The following ASIC2 variants were observed in gnomAD, a reference collection of about 807,000 sequenced individuals.
ASIC2 encodes acid-sensing ion channel 2.
A neutral mutation model predicts 57.3 loss-of-function variants in ASIC2; 25 were observed. That is an observed-to-expected ratio of 0.44 (90% CI 0.32 to 0.61). ASIC2 has a LOEUF of 0.61. ASIC2 is among the 20% of genes least tolerant of loss of function. The pLI is 0.06. For synonymous variants in ASIC2, 319 were observed against 307.5 expected (o/e 1.04, Z -0.39); for missense variants, 641 against 738.1 (o/e 0.87, Z 1.52).
At chr17:33,424,939 C>T (rs1911167743) in intron 1 of ASIC2, among the ~76,000 whole-genome samples, 2 of 152,156 alleles carry the variant, frequency 1.3e-5, no homozygotes, top group Non-Finnish European at 2.9e-5. Context: ...GTCAGTGGAT[C>T]TCTTGGAGTG....
intron 1 of ASIC2, among the ~76,000 whole-genome samples, chr17:33,331,995 A>T (rs1907331792): frequency 6.6e-6 from 1 of 152,234 alleles, no homozygotes; most frequent in Non-Finnish European, 1.5e-5. Context: ...CCCCTGGGGC[A>T]TACATCATAG....
At chr17:33,951,816 A>G (rs1490407724) in intron 1 of ASIC2, among the ~76,000 whole-genome samples, 2 of 145,904 alleles carry the variant, frequency 1.4e-5, no homozygotes, top group African/African-American at 5.1e-5. Flanking sequence ...CTGGTCTTGA[A>G]CTCCTGACCT....
chr17:33,616,031 C>G (rs1905592282), intron 1 of ASIC2, among the ~76,000 whole-genome samples: 1 of 152,202 alleles, frequency 6.6e-6, no homozygotes, highest in African/African-American at 2.4e-5. Context: ...TTGACCAGTA[C>G]ATGTAATTGG....
At chr17:34,095,661 A>ATATATATATATATATATATATAATTT (rs1567818967) in intron 1 of ASIC2, among the ~76,000 whole-genome samples, 2 of 100,170 alleles carry the variant, frequency 2.0e-5, no homozygotes, top group African/African-American at 4.6e-5. Flanking sequence ...ATATAATTTT[A>ATATATATATATATATATATATAATTT]TATATATATA....
At chr17:33,735,765 A>C (rs1174898150) in intron 1 of ASIC2, among the ~76,000 whole-genome samples, 1 of 152,066 alleles carries the variant, frequency 6.6e-6, no homozygotes, top group East Asian at 1.9e-4. Context: ...GTGTGAATCA[A>C]TTCTAATGAT....
At chr17:33,134,777 G>A (rs1291932620) in intron 1 of ASIC2, among the ~76,000 whole-genome samples, 1 of 152,214 alleles carries the variant, frequency 6.6e-6, no homozygotes, top group Non-Finnish European at 1.5e-5. Context: ...GGTGTCAGGA[G>A]CAGAGCTCTG....
At chr17:33,528,418 C>T (rs1458833867) in intron 1 of ASIC2, among the ~76,000 whole-genome samples, 1 of 152,090 alleles carries the variant, frequency 6.6e-6, no homozygotes, top group Non-Finnish European at 1.5e-5. Context: ...AACCTTTAAG[C>T]AATTCATTTT....
intron 1 of ASIC2, among the ~76,000 whole-genome samples, chr17:34,052,346 A>G (rs1005331265): frequency 3.3e-5 from 5 of 152,194 alleles, no homozygotes; most frequent in African/African-American, 1.2e-4. Context: ...AAATGCTGAG[A>G]CTTTCTCCCT....
At chr17:33,595,391 C>T (rs1597801492) in intron 1 of ASIC2, among the ~76,000 whole-genome samples, 1 of 152,180 alleles carries the variant, frequency 6.6e-6, no homozygotes, top group Non-Finnish European at 1.5e-5. Flanking sequence ...TCTCAGGAGA[C>T]AAGAGGGCTA....
At chr17:33,899,728 T>A (rs545370919) in intron 1 of ASIC2, among the ~76,000 whole-genome samples, 12 of 152,342 alleles carry the variant, frequency 7.9e-5, no homozygotes, top group African/African-American at 2.9e-4. Context: ...TGTTCAAAAT[T>A]TAATCATAGC....
intron 1 of ASIC2, among the ~76,000 whole-genome samples, chr17:33,864,773 A>G (rs1914189148): frequency 6.6e-6 from 1 of 152,200 alleles, no homozygotes; most frequent in African/African-American, 2.4e-5. Flanking sequence ...TACAATGCAG[A>G]GGCATAGTCA....
At chr17:33,250,535 C>T (rs145056783) in intron 1 of ASIC2, among the ~76,000 whole-genome samples, 16 of 152,342 alleles carry the variant, frequency 1.1e-4, no homozygotes, top group African/African-American at 3.4e-4. Context: ...AGTCCTGCCG[C>T]GCTTATCCCA....
At chr17:33,531,902 G>A (rs776008102) in intron 1 of ASIC2, among the ~76,000 whole-genome samples, 10 of 152,146 alleles carry the variant, frequency 6.6e-5, no homozygotes, top group Non-Finnish European at 1.2e-4. Flanking sequence ...CCTCCCACTC[G>A]GTTTTCCAGG....
At chr17:33,164,122 C>T (rs1456324853) in intron 1 of ASIC2, among the ~76,000 whole-genome samples, 1 of 152,162 alleles carries the variant, frequency 6.6e-6, no homozygotes, top group Non-Finnish European at 1.5e-5. Flanking sequence ...TTCGCCTGGT[C>T]CTGGGTTCCA....
intron 1 of ASIC2, among the ~76,000 whole-genome samples, chr17:33,824,178 G>A (rs1912836793): frequency 6.6e-6 from 1 of 152,178 alleles, no homozygotes. Context: ...GACTACCTGA[G>A]ATAAAGGGTA....
chr17:33,378,056 A>C (rs1431546060), intron 1 of ASIC2, among the ~76,000 whole-genome samples: 1 of 152,070 alleles, frequency 6.6e-6, no homozygotes, highest in Admixed American at 6.5e-5. Context: ...ACTGGATAGC[A>C]CTCTCTGCTC....
At position 33,028,225 on chromosome 17, in the gene ASIC2, C is replaced by A; in HGVS notation, c.1138+17G>T. 1 of 1,613,110 alleles carries A rather than the reference C, an allele frequency of 6.2e-7. No homozygotes were observed. Among genetic ancestry groups the A allele is most frequent in the Non-Finnish European group, 8.5e-7 (1 of 1,179,688 alleles). On this transcript the variant is annotated intron_variant, in intron 4 of 9. Transcript: ENST00000225823. ...GCAGATCCCAGGGCCCTGTGGCCACCCTGCCCTGGCACTGACCTGGCATGT... is the reference window on the plus strand; with the variant it reads ...GCAGATCCCAGGGCCCTGTGGCCACACTGCCCTGGCACTGACCTGGCATGT...
At chr17:33,409,011 C>T (rs540101671) in intron 1 of ASIC2, among the ~76,000 whole-genome samples, 5 of 152,174 alleles carry the variant, frequency 3.3e-5, no homozygotes, top group East Asian at 1.9e-4. Context: ...CTCAGGAGTT[C>T]GAGACCAGCC....
At chr17:34,103,085 CTA>C (rs1480032033) in intron 1 of ASIC2, among the ~76,000 whole-genome samples, 3 of 152,066 alleles carry the variant, frequency 2.0e-5, no homozygotes, top group African/African-American at 7.2e-5. Context: ...TTTCTTAAGT[CTA>C]TTTATTTTCT....
Sources: gnomAD v4.1 joint callset for allele counts (sites outside exome capture counted in the v4.1 genomes callset) on GRCh38, gnomAD v4.1.1 for gene constraint, MANE v1.5 for transcripts, NCBI Gene and HGNC (gene_info 2026-07-23, HGNC 2026-07-21) for gene names.